BAIAP2: variants seen among roughly 807,000 people sequenced by gnomAD.
BAIAP2 encodes BAR/IMD domain containing adaptor protein 2.
In BAIAP2, 18 loss-of-function variants were observed where a neutral mutation model predicts 63.0. The observed-to-expected ratio is 0.29, with a 90% CI of 0.20 to 0.42. The LOEUF is 0.42. BAIAP2 is among the 10% of genes least tolerant of loss of function. The pLI is 1.00. For synonymous variants in BAIAP2, 386 were observed against 307.6 expected (o/e 1.25, Z -2.67); for missense variants, 610 against 734.3 (o/e 0.83, Z 1.96).
intron 5 of BAIAP2, 125 bp from the exon 6 acceptor site, chr17:81,086,318 G>T: frequency 8.6e-7 from 1 of 1,159,226 alleles, no homozygotes; most frequent in South Asian, 1.4e-5. Flanking sequence ...AGCCAGGAAG[G>T]GAGTGGCAGG....
chr17:81,050,330 C>T (rs1214641649), intron 1 of BAIAP2, among the ~76,000 whole-genome samples: 2 of 150,588 alleles, frequency 1.3e-5, no homozygotes, highest in African/African-American at 2.4e-5. Context: ...GAGGCAGGGC[C>T]GTGCCCAGGT....
chr17:81,101,347 C>T (rs1339550212), intron 7 of BAIAP2, among the ~76,000 whole-genome samples: 3 of 152,242 alleles, frequency 2.0e-5, no homozygotes, highest in South Asian at 2.1e-4. Flanking sequence ...GCTGACTTAG[C>T]CCCCAGAGCA....
chr17:81,109,008 C>A, intron 13 of BAIAP2: 1 of 1,545,540 alleles, frequency 6.5e-7, no homozygotes, highest in Non-Finnish European at 8.7e-7. Context: ...AGGACGCTGA[C>A]CCCGGGCAGC....
chr17:81,108,921 G>A (rs1217349098), intron 13 of BAIAP2: 2 of 1,536,276 alleles, frequency 1.3e-6, no homozygotes, highest in East Asian at 2.5e-5. Context: ...GCCTGTGGCT[G>A]GGCAGCGTCG....
chr17:81,057,008 C>T (rs1477023591), intron 2 of BAIAP2, among the ~76,000 whole-genome samples: 2 of 152,266 alleles, frequency 1.3e-5, no homozygotes, highest in African/African-American at 4.8e-5. Context: ...TGGTCTTGTG[C>T]CGCAGAACAA....
At chr17:81,100,382 T>TGGGCAGGTGCAGGCTGACGCC (rs2058325555) in intron 7 of BAIAP2, among the ~76,000 whole-genome samples, 2 of 152,250 alleles carry the variant, frequency 1.3e-5, no homozygotes, top group African/African-American at 2.4e-5. Context: ...AGCCATGTCC[T>TGGGCAGGTGCAGGCTGACGCC]GGGCAGGTGC....
intron 12 of BAIAP2, chr17:81,107,164 A>T (rs570272291): frequency 2.3e-4 from 110 of 486,604 alleles, no homozygotes; most frequent in Non-Finnish European, 3.6e-4. Context: ...TGGTGCCCTC[A>T]GCCAGCCACG....
chr17:81,058,565 G>T (rs941386864), intron 3 of BAIAP2, among the ~76,000 whole-genome samples: 10 of 152,202 alleles, frequency 6.6e-5, no homozygotes, highest in African/African-American at 2.4e-4. Flanking sequence ...ACCTAGCAGG[G>T]TGGTGCTGAG....
intron 6 of BAIAP2, chr17:81,087,749 C>T (rs72634325): frequency 0.21 from 32,369 of 152,100 alleles, 4,020 homozygotes; most frequent in East Asian, 0.49. Context: ...TGCACAGTTG[C>T]AGGGACGCAA....
chr17:81,087,712 T>G (rs2055946453), intron 6 of BAIAP2: 1 of 152,150 alleles, frequency 6.6e-6, no homozygotes, highest in Non-Finnish European at 1.5e-5. Context: ...CGCTGCTGTT[T>G]GCAGCCTCCC....
At chr17:81,109,280 C>T in intron 13 of BAIAP2, 1 of 1,281,646 alleles carries the variant, frequency 7.8e-7, no homozygotes, top group Non-Finnish European at 9.9e-7. Context: ...TGCGGGGCAC[C>T]CTCGGCCTCA....
chr17:81,067,776 G>T (rs544162770), intron 3 of BAIAP2, among the ~76,000 whole-genome samples: 5 of 152,226 alleles, frequency 3.3e-5, no homozygotes, highest in Non-Finnish European at 7.4e-5. Context: ...ACAGCGTCAG[G>T]CCTCAGCCGG....
At chr17:81,098,490 G>A (rs2058020241) in intron 6 of BAIAP2, among the ~76,000 whole-genome samples, 1 of 152,020 alleles carries the variant, frequency 6.6e-6, no homozygotes, top group Non-Finnish European at 1.5e-5. Context: ...ATCTTTAAGT[G>A]CACAGTTCAG....
At chr17:81,038,092 C>T (rs773159696) in intron 1 of BAIAP2, among the ~76,000 whole-genome samples, 29 of 152,196 alleles carry the variant, frequency 1.9e-4, no homozygotes, top group Non-Finnish European at 3.2e-4. Flanking sequence ...GGGCAAGGCG[C>T]GGAAGACCCC....
chr17:81,111,761 T>C (rs534889761), intron 13 of BAIAP2, among the ~76,000 whole-genome samples: 45 of 152,332 alleles, frequency 3.0e-4, no homozygotes, highest in Admixed American at 9.8e-4. Context: ...TCTGCCCTCA[T>C]AGGGGGCCCT....
intron 2 of BAIAP2, among the ~76,000 whole-genome samples, chr17:81,054,190 G>A (rs1463793289): frequency 4.4e-5 from 2 of 45,928 alleles, no homozygotes; most frequent in South Asian, 1.0e-3. Context: ...CTGTGCCCGG[G>A]CCCCGTGGGG....
At chr17:81,070,508 G>C (rs533734311) in intron 3 of BAIAP2, among the ~76,000 whole-genome samples, 13 of 152,212 alleles carry the variant, frequency 8.5e-5, no homozygotes, top group Non-Finnish European at 1.9e-4. Flanking sequence ...GAGGCAAAAG[G>C]TGCTTTGGAG....
chr17:81,079,084 G>A (rs201197780), intron 3 of BAIAP2, among the ~76,000 whole-genome samples: 4 of 152,164 alleles, frequency 2.6e-5, no homozygotes, highest in East Asian at 3.8e-4. Flanking sequence ...GGCCCTCTCC[G>A]CCAGGTGCTG....
chr17:81,104,576 A>G lies in BAIAP2; in HGVS notation c.1129A>G (p.Met377Val). ...AGCCGGCCTGGAGCGCAATGGCCGT[A>G]TGCGGGTGAAGGCCATCTTCTCCCA... ...MAAGLERNGR[M>V]RVKAIFSHAA... Residue 377 changes from methionine (M) to valine (V), a missense_variant, in exon 10 of 14, where the codon ATG (methionine) becomes GTG (valine). Around this residue, in one of 5 missense-constraint regions of BAIAP2, gnomAD observed 67 missense variants for 132.0 expected, o/e 0.51. Transcript: ENST00000428708. The G allele has an allele frequency of 6.2e-7, 1 of 1,612,050 alleles. No individual in the cohort carries two copies.
Sources: gnomAD v4.1 joint callset for allele counts (sites outside exome capture counted in the v4.1 genomes callset) on GRCh38, gnomAD v4.1.1 for gene constraint, gnomAD v4.1.1 regional missense constraint, MANE v1.5 for transcripts, NCBI Gene and HGNC (gene_info 2026-07-23, HGNC 2026-07-21) for gene names.